TMED3: variants seen among roughly 807,000 people sequenced by gnomAD.
The protein encoded by TMED3 is transmembrane emp24 domain-containing protein 3.
A neutral mutation model predicts 15.0 loss-of-function variants in TMED3; 9 were observed. That is an observed-to-expected ratio of 0.60 (90% CI 0.36 to 1.04). TMED3 has a LOEUF of 1.04. Among genes scored for constraint, TMED3 ranks in the 50% least tolerant of loss-of-function variants. The pLI is 0.01. For missense variants in TMED3, 267 were observed against 278.9 expected (o/e 0.96, Z 0.30); for synonymous variants, 117 against 121.4 (o/e 0.96, Z 0.24).
chr15:79,335,455 C>G (rs1196705102), intron 2 of TMED3, among the ~76,000 whole-genome samples: 3 of 152,176 alleles, frequency 2.0e-5, no homozygotes, highest in African/African-American at 7.2e-5. Flanking sequence ...CTGGGAGAGA[C>G]AGTGTGGACC....
intron 2 of TMED3, among the ~76,000 whole-genome samples, chr15:79,332,180 T>C (rs996159523): frequency 6.6e-6 from 1 of 152,352 alleles, no homozygotes; most frequent in African/African-American, 2.4e-5. Context: ...ACTATCGTAC[T>C]GAACAGGAAG....
chr15:79,383,062 T>G (rs1893563900), intron 2 of TMED3: 1 of 1,517,016 alleles, frequency 6.6e-7, no homozygotes, highest in South Asian at 1.2e-5. Context: ...GTTTACCTCC[T>G]GTGCATGCTC....
chr15:79,351,740 A>G (rs1316229710), intron 2 of TMED3, among the ~76,000 whole-genome samples: 1 of 152,142 alleles, frequency 6.6e-6, no homozygotes, highest in African/African-American at 2.4e-5. Context: ...ACCCATAGGA[A>G]AAGAAGTCAT....
At chr15:79,335,806 T>A (rs1287431268) in intron 2 of TMED3, among the ~76,000 whole-genome samples, 4 of 152,202 alleles carry the variant, frequency 2.6e-5, no homozygotes, top group Non-Finnish European at 5.9e-5. Flanking sequence ...AAACGCTAGC[T>A]TTCTAACTTT....
chr15:79,404,422 C>A (rs1052918647), intron 2 of TMED3, among the ~76,000 whole-genome samples: 1 of 152,222 alleles, frequency 6.6e-6, no homozygotes, highest in African/African-American at 2.4e-5. Flanking sequence ...TAGCATCCTC[C>A]CTTGTTTCTG....
chr15:79,342,378 AAAAT>A (rs374749537), intron 2 of TMED3, among the ~76,000 whole-genome samples: 1,543 of 152,328 alleles, frequency 0.01, 16 homozygotes, highest in African/African-American at 0.035. Context: ...AACAGAAAGA[AAAAT>A]AAAGCAGTGT....
rs556658642 is a variant in TMED3, at chr15:79,402,103, C to T, written c.418-9297C>T. Among the ~76,000 whole-genome samples, 5 of 152,220 alleles carry T rather than the reference C, an allele frequency of 3.3e-5. No individual in the cohort carries two copies. In the South Asian group the frequency reaches 1.0e-3, roughly 32 times the overall value. Reference sequence around the variant, plus strand: ...TCAGGAGGAAGGGAAAGGGAGCGTGCAGGGTGAAGAAGGAAAAGCTGATCA... The same window carrying T: ...TCAGGAGGAAGGGAAAGGGAGCGTGTAGGGTGAAGAAGGAAAAGCTGATCA... On this transcript the variant is annotated intron_variant, in intron 2 of 2. Transcript: ENST00000424155.
intron 2 of TMED3, among the ~76,000 whole-genome samples, chr15:79,358,790 G>C (rs960136323): frequency 6.6e-6 from 1 of 152,204 alleles, no homozygotes; most frequent in Admixed American, 6.5e-5. Context: ...TTTCCCTGGG[G>C]TGAAATGGCT....
exon 3 of TMED3, chr15:79,411,488 G>C (rs750139445): frequency 1.4e-6 from 1 of 702,412 alleles, no homozygotes; most frequent in South Asian, 1.5e-5. Flanking sequence ...GGACTGGGAC[G>C]ACTGGCACCC....
At chr15:79,339,213 C>A (rs2058840045) in intron 2 of TMED3, among the ~76,000 whole-genome samples, 2 of 152,198 alleles carry the variant, frequency 1.3e-5, no homozygotes, top group Non-Finnish European at 2.9e-5. Context: ...GGCCCCCTGT[C>A]CAGTGGACAC....
At chr15:79,316,527 A>G (rs1028130052) in intron 2 of TMED3, among the ~76,000 whole-genome samples, 6 of 152,198 alleles carry the variant, frequency 3.9e-5, no homozygotes, top group Non-Finnish European at 7.4e-5. Context: ...TACTTGGGTC[A>G]GGGGAGGCCT....
At chr15:79,356,650 T>C (rs2058920313) in intron 2 of TMED3, among the ~76,000 whole-genome samples, 1 of 151,900 alleles carries the variant, frequency 6.6e-6, no homozygotes, top group Non-Finnish European at 1.5e-5. Flanking sequence ...GGATGGAGAG[T>C]GTCAGGGGAT....
At chr15:79,383,578 C>G (rs188591054) in intron 2 of TMED3, 1 of 153,020 alleles carries the variant, frequency 6.5e-6, no homozygotes, top group East Asian at 1.9e-4. Context: ...CTGCACTTAT[C>G]TCTCCCCGCA....
intron 2 of TMED3, among the ~76,000 whole-genome samples, chr15:79,331,335 T>A (rs1033501635): frequency 6.6e-6 from 1 of 152,090 alleles, no homozygotes. Flanking sequence ...TAAATGGTGC[T>A]GAAAAAACTG....
chr15:79,342,711 A>G (rs7176385), intron 2 of TMED3, among the ~76,000 whole-genome samples: 14,113 of 152,202 alleles, frequency 0.093, 691 homozygotes, highest in Admixed American at 0.12. Context: ...TCATATCACA[A>G]AAGATTAGTC....
chr15:79,353,172 CATAATATATAAAATATAT>C (rs1298415621), intron 2 of TMED3, among the ~76,000 whole-genome samples: 3 of 57,188 alleles, frequency 5.2e-5, no homozygotes, highest in South Asian at 5.5e-4. Flanking sequence ...AATATATATA[CATAATATATAAAATATAT>C]ATAATATATA....
Position 79,322,247 on chromosome 15 carries a change from C to T in TMED3, c.*33C>T. ...ATCCTGCTCTAGGGCCCCTCATGCC[C>T]CAGGCTGGAGCAGCTCTCCTAGGTC... On this transcript the variant is annotated 3_prime_UTR_variant, in exon 3 of 3. Transcript: ENST00000299705. 3 of 1,593,524 alleles carry T rather than the reference C, an allele frequency of 1.9e-6. No homozygotes were observed. Among genetic ancestry groups the T allele is most frequent in the South Asian group, 1.1e-5 (1 of 87,548 alleles).
intron 2 of TMED3, among the ~76,000 whole-genome samples, chr15:79,377,043 A>G (rs941626294): frequency 1.3e-5 from 2 of 152,216 alleles, no homozygotes; most frequent in Non-Finnish European, 2.9e-5. Flanking sequence ...TTTGGGAAGA[A>G]CTAGAGGGAT....
chr15:79,409,659 A>T (rs1425864036), intron 2 of TMED3, among the ~76,000 whole-genome samples: 1 of 152,210 alleles, frequency 6.6e-6, no homozygotes, highest in African/African-American at 2.4e-5. Flanking sequence ...AAATAAAAGC[A>T]CTTTGTCTGA....
Sources: gnomAD v4.1 joint callset for allele counts (sites outside exome capture counted in the v4.1 genomes callset) on GRCh38, gnomAD v4.1.1 for gene constraint, MANE v1.5 for transcripts, NCBI Gene and HGNC (gene_info 2026-07-23, HGNC 2026-07-21) for gene names.